Variants in PCDH9 observed in about 807,000 individuals in gnomAD.
The protein encoded by PCDH9 is protocadherin-9.
PCDH9 carries 24 observed loss-of-function variants against 70.6 expected under a neutral mutation model. That is an observed-to-expected ratio of 0.34 (90% CI 0.25 to 0.48). The LOEUF is 0.48. Ranked by LOEUF, PCDH9 falls within the 20% of genes least tolerant of loss-of-function variation. The pLI, the probability that PCDH9 is intolerant of heterozygous loss-of-function variation, is 0.99. For missense variants in PCDH9, 1,281 were observed against 1,503.6 expected (o/e 0.85, Z 2.45); for synonymous variants, 562 against 558.5 (o/e 1.01, Z -0.09).
chr13:66,467,723 A>G (rs1246806661), intron 4 of PCDH9, among the ~76,000 whole-genome samples: 1 of 152,130 alleles, frequency 6.6e-6, no homozygotes, highest in Non-Finnish European at 1.5e-5. Flanking sequence ...AAAAAGAAAA[A>G]GAAAACAAAT....
chr13:66,319,073 G>A (rs1200115262), intron 4 of PCDH9, among the ~76,000 whole-genome samples: 1 of 152,164 alleles, frequency 6.6e-6, no homozygotes, highest in African/African-American at 2.4e-5. Flanking sequence ...CCGCATGGCT[G>A]GGAGGCCTCA....
intron 4 of PCDH9, among the ~76,000 whole-genome samples, chr13:66,459,096 G>T (rs1958371585): frequency 6.6e-6 from 1 of 151,974 alleles, no homozygotes; most frequent in Non-Finnish European, 1.5e-5. Flanking sequence ...GTGTTCCACT[G>T]CTTCCTGTTT....
intron 2 of PCDH9, among the ~76,000 whole-genome samples, chr13:66,968,802 A>T (rs1271544592): frequency 6.6e-6 from 1 of 152,046 alleles, no homozygotes; most frequent in Admixed American, 6.6e-5. Context: ...ATGTTTTAGG[A>T]GCCACAAATA....
At chr13:67,010,537 T>C (rs926840060) in intron 2 of PCDH9, among the ~76,000 whole-genome samples, 4 of 152,060 alleles carry the variant, frequency 2.6e-5, no homozygotes, top group African/African-American at 9.7e-5. Context: ...TTCAGACTGA[T>C]ACATGCCAGC....
rs748182589 is a variant in PCDH9 at position 66,511,146 on chromosome 13, C to G, written c.3340+120064G>C. Among the ~76,000 whole-genome samples the G allele has an allele frequency of 7.9e-5, 12 of 152,258 alleles. No individual in the cohort carries two copies. The East Asian group carries it at 1.9e-3, about 24-fold the overall frequency. Reference sequence around the variant, plus strand: ...AATGATTTTTATATTAAAACTGTCACATTAAAAACCCTGAAGTAGTTATGA... The same window carrying G: ...AATGATTTTTATATTAAAACTGTCAGATTAAAAACCCTGAAGTAGTTATGA... On this transcript the variant is annotated intron_variant, in intron 4 of 4. Coordinates refer to ENST00000377865, the MANE Select transcript of PCDH9 (RefSeq NM_203487.3).
At chr13:67,147,479 C>T (rs982955157) in intron 2 of PCDH9, among the ~76,000 whole-genome samples, 1 of 152,284 alleles carries the variant, frequency 6.6e-6, no homozygotes, top group South Asian at 2.1e-4. Flanking sequence ...GTCTTCAGCT[C>T]TCCTGTTCAG....
intron 3 of PCDH9, among the ~76,000 whole-genome samples, chr13:66,833,047 A>T (rs957047471): frequency 1.3e-5 from 2 of 151,906 alleles, no homozygotes; most frequent in Non-Finnish European, 2.9e-5. Context: ...CTTTCTTTTC[A>T]TTCTCATTGT....
At chr13:66,992,447 C>T (rs375188743) in intron 2 of PCDH9, among the ~76,000 whole-genome samples, 13 of 152,286 alleles carry the variant, frequency 8.5e-5, no homozygotes, top group African/African-American at 2.9e-4. Context: ...AGTGCACCAG[C>T]CTGACTCCAT....
intron 2 of PCDH9, among the ~76,000 whole-genome samples, chr13:66,944,194 T>A (rs1052696209): frequency 9.2e-5 from 14 of 152,144 alleles, no homozygotes; most frequent in Admixed American, 8.5e-4. Flanking sequence ...ACCTACTTTA[T>A]TTCTTGCACC....
chr13:66,687,953 G>A (rs1480351277), intron 3 of PCDH9, among the ~76,000 whole-genome samples: 1 of 152,052 alleles, frequency 6.6e-6, no homozygotes, highest in Non-Finnish European at 1.5e-5. Flanking sequence ...GTGAAATTAA[G>A]TATTGTTCTT....
chr13:67,140,037 C>G (rs2087340683), intron 2 of PCDH9, among the ~76,000 whole-genome samples: 1 of 127,566 alleles, frequency 7.8e-6, no homozygotes, highest in Non-Finnish European at 1.7e-5. Flanking sequence ...CCCCCCCCCC[C>G]CGCCCATTGT....
chr13:67,178,093 T>G (rs1639569172), intron 2 of PCDH9, among the ~76,000 whole-genome samples: 1 of 152,048 alleles, frequency 6.6e-6, no homozygotes, highest in South Asian at 2.1e-4. Context: ...TTTAAGTATC[T>G]CCCAAGGTTG....
chr13:66,554,514 A>G (rs1179023268), intron 4 of PCDH9, among the ~76,000 whole-genome samples: 10 of 152,244 alleles, frequency 6.6e-5, no homozygotes, highest in African/African-American at 2.4e-4. Flanking sequence ...ATATAAATAT[A>G]CTATGAAATA....
chr13:66,725,835 C>T (rs902448577), intron 3 of PCDH9, among the ~76,000 whole-genome samples: 2 of 152,082 alleles, frequency 1.3e-5, no homozygotes, highest in Non-Finnish European at 2.9e-5. Context: ...CAATTTTATT[C>T]CCCTGGGACA....
At chr13:66,392,807 A>G (rs1957042010) in intron 4 of PCDH9, among the ~76,000 whole-genome samples, 1 of 152,160 alleles carries the variant, frequency 6.6e-6, no homozygotes, top group Non-Finnish European at 1.5e-5. Flanking sequence ...ACTGAGCTAA[A>G]AAGAAGTTCC....
chr13:66,965,847 G>A (rs1056873069), intron 2 of PCDH9, among the ~76,000 whole-genome samples: 2 of 151,858 alleles, frequency 1.3e-5, no homozygotes, highest in African/African-American at 4.8e-5. Flanking sequence ...ATATGTGAAA[G>A]TGATGTAAAT....
At chr13:66,826,515 A>T (rs528750375) in intron 3 of PCDH9, among the ~76,000 whole-genome samples, 1 of 152,192 alleles carries the variant, frequency 6.6e-6, no homozygotes, top group Admixed American at 6.5e-5. Flanking sequence ...GTTTGCCTGT[A>T]TAATTGGAAT....
intron 2 of PCDH9, among the ~76,000 whole-genome samples, chr13:66,968,123 G>C (rs1239125873): frequency 6.6e-6 from 1 of 152,046 alleles, no homozygotes; most frequent in Non-Finnish European, 1.5e-5. Context: ...TGTTTTGTCA[G>C]ATAAAGTTTA....
intron 4 of PCDH9, among the ~76,000 whole-genome samples, chr13:66,372,111 T>C (rs560155552): frequency 1.3e-5 from 2 of 152,134 alleles, no homozygotes; most frequent in African/African-American, 4.8e-5. Context: ...GTGTGCAGAG[T>C]GCTCTGTTAT....
Sources: gnomAD v4.1 joint callset for allele counts (sites outside exome capture counted in the v4.1 genomes callset) on GRCh38, gnomAD v4.1.1 for gene constraint, MANE v1.5 for transcripts, NCBI Gene and HGNC (gene_info 2026-07-23, HGNC 2026-07-21) for gene names.